The following ARSG variants were observed in gnomAD, a reference collection of about 807,000 sequenced individuals.
The protein encoded by ARSG is arylsulfatase G, also known as ASG.
A neutral mutation model predicts 50.5 loss-of-function variants in ARSG; 37 were observed. That is an observed-to-expected ratio of 0.73 (90% CI 0.56 to 0.96). ARSG has a LOEUF of 0.96. Among genes scored for constraint, ARSG ranks in the 50% least tolerant of loss-of-function variants. The pLI, the probability that ARSG is intolerant of heterozygous loss-of-function variation, is 0.00. For missense variants in ARSG, 629 were observed against 675.3 expected, an observed-to-expected ratio of 0.93 and a Z score of 0.76; for synonymous variants, 225 against 254.6, an observed-to-expected ratio of 0.88 and a Z score of 1.11.
At chr17:68,333,403 G>A (rs994594002) in intron 2 of ARSG, among the ~76,000 whole-genome samples, 20 of 152,144 alleles carry the variant, frequency 1.3e-4, no homozygotes, top group Middle Eastern at 3.4e-3. Flanking sequence ...CAAGGCGGGC[G>A]GATCACCTGA....
the ARSG span, among the ~76,000 whole-genome samples, chr17:68,436,921 G>C: frequency 0.014 from 2,132 of 151,842 alleles, 55 homozygotes; most frequent in African/African-American, 0.049. Context: ...TTGAACCCAG[G>C]AGGCAAAGGT....
At chr17:68,356,134 G>A (rs4378673) in intron 5 of ARSG, among the ~76,000 whole-genome samples, 64,294 of 151,922 alleles carry the variant, frequency 0.42, 14,281 homozygotes, top group Admixed American at 0.51. Flanking sequence ...TGCTGGCCTC[G>A]GTCTCCCAAA....
chr17:68,269,075 CTGT>C (rs781941488), intron 1 of ARSG: 78 of 1,570,784 alleles, frequency 5.0e-5, no homozygotes, highest in Non-Finnish European at 6.1e-5. Context: ...AACACAGTGG[CTGT>C]TGTTGTAAGA....
chr17:68,305,385 C>T (rs1555763632), intron 1 of ARSG, among the ~76,000 whole-genome samples: 1 of 152,134 alleles, frequency 6.6e-6, no homozygotes, highest in African/African-American at 2.4e-5. Context: ...TTTCCAGCAA[C>T]TTTGCTGCTT....
chr17:68,324,781 G>A (rs574363838), intron 2 of ARSG, among the ~76,000 whole-genome samples: 1 of 152,258 alleles, frequency 6.6e-6, no homozygotes, highest in South Asian at 2.1e-4. Flanking sequence ...GTAGCCACTT[G>A]GTACGTGTTA....
At chr17:68,376,412 G>A (rs559104288) in intron 8 of ARSG, among the ~76,000 whole-genome samples, 1 of 151,526 alleles carries the variant, frequency 6.6e-6, no homozygotes, top group Admixed American at 6.6e-5. Context: ...AAGTAGCTGG[G>A]ACCACAGGCA....
intron 2 of ARSG, among the ~76,000 whole-genome samples, chr17:68,308,901 G>A (rs1599656677): frequency 2.6e-5 from 4 of 152,260 alleles, no homozygotes; most frequent in Non-Finnish European, 2.9e-5. Context: ...CCAGTCCCGC[G>A]CCCTGCGCCT....
At chr17:68,336,250 C>T (rs1013752196) in intron 2 of ARSG, among the ~76,000 whole-genome samples, 1 of 151,618 alleles carries the variant, frequency 6.6e-6, no homozygotes, top group Admixed American at 6.6e-5. Flanking sequence ...CACTCTGTCG[C>T]CCAGGCTGCA....
chr17:68,373,146 C>T (rs2079948991), intron 8 of ARSG, among the ~76,000 whole-genome samples: 1 of 151,886 alleles, frequency 6.6e-6, no homozygotes, highest in Non-Finnish European at 1.5e-5. Flanking sequence ...TTCCTGACCT[C>T]AAGTGATCCA....
At chr17:68,389,206 G>T (rs1400468073) in intron 9 of ARSG, among the ~76,000 whole-genome samples, 3 of 152,182 alleles carry the variant, frequency 2.0e-5, no homozygotes, top group African/African-American at 7.2e-5. Flanking sequence ...AGTGGGTAGT[G>T]GTGGTTGGTG....
At chr17:68,295,888 C>G (rs1458899747) in intron 1 of ARSG, among the ~76,000 whole-genome samples, 1 of 151,910 alleles carries the variant, frequency 6.6e-6, no homozygotes, top group Non-Finnish European at 1.5e-5. Context: ...CCATGTTGGC[C>G]AGGCTGGTCT....
rs1356066636 is a variant in ARSG at position 68,301,348 on chromosome 17, T to A, written c.-551-5595T>A. On this transcript the variant is annotated intron_variant, in intron 1 of 11. Transcript: ENST00000621439. ...ATGTTTATTACATGTAGATAATAAA[T>A]AACCCTTTGTCCTGGCTATCGTGGT... Among the ~76,000 whole-genome samples, 4 of 152,220 alleles carry A rather than the reference T, an allele frequency of 2.6e-5. No homozygotes were observed. The East Asian group carries it at 7.7e-4, about 29-fold the overall frequency.
chr17:68,441,658 T>G, the ARSG span, among the ~76,000 whole-genome samples: 1 of 152,310 alleles, frequency 6.6e-6, no homozygotes, highest in African/African-American at 2.4e-5. Context: ...CAGAGAGGGC[T>G]GCGGAGTGAG....
chr17:68,268,089 CT>C (rs1283720683), intron 1 of ARSG: 2 of 152,130 alleles, frequency 1.3e-5, no homozygotes, highest in Admixed American at 6.6e-5. Flanking sequence ...CACGTTGCCC[CT>C]AATCAAATGG....
chr17:68,259,188 G>T (rs1410714535), exon 1 of ARSG: 3 of 152,250 alleles, frequency 2.0e-5, no homozygotes, highest in Non-Finnish European at 4.4e-5. Flanking sequence ...CCCCGGCTGC[G>T]CCCAGGCCGG....
the ARSG span, chr17:68,433,662 C>A: frequency 9.7e-7 from 1 of 1,029,558 alleles, no homozygotes; most frequent in Non-Finnish European, 1.4e-6. Flanking sequence ...ATAAGAAAAT[C>A]AGATGTATCC....
intron 1 of ARSG, among the ~76,000 whole-genome samples, chr17:68,280,282 G>GA (rs1288592697): frequency 2.7e-5 from 4 of 148,046 alleles, no homozygotes; most frequent in South Asian, 4.3e-4. Context: ...AGAAATAGAA[G>GA]AAAAAAATCC....
chr17:68,375,081 A>G (rs1317076683), intron 8 of ARSG, among the ~76,000 whole-genome samples: 1 of 152,134 alleles, frequency 6.6e-6, no homozygotes, highest in East Asian at 1.9e-4. Flanking sequence ...AGTCTAGAAT[A>G]GTGTTTCTTT....
intron 1 of ARSG, among the ~76,000 whole-genome samples, chr17:68,292,996 G>A (rs1300612982): frequency 3.3e-5 from 5 of 152,174 alleles, no homozygotes; most frequent in African/African-American, 1.2e-4. Context: ...CGCAGTGACT[G>A]GCATTTGGTA....
Sources: gnomAD v4.1 joint callset for allele counts (sites outside exome capture counted in the v4.1 genomes callset) on GRCh38, gnomAD v4.1.1 for gene constraint, MANE v1.5 for transcripts, NCBI Gene and HGNC (gene_info 2026-07-23, HGNC 2026-07-21) for gene names.